The following CFAP58 variants were observed in gnomAD, a reference collection of about 807,000 sequenced individuals.
CFAP58 encodes cilia- and flagella-associated protein 58.
A neutral mutation model predicts 119.5 loss-of-function variants in CFAP58; 88 were observed. That is an observed-to-expected ratio of 0.74 (90% CI 0.62 to 0.88). The LOEUF (loss-of-function observed/expected upper bound fraction) is 0.88, where lower values mean the gene tolerates loss of function less well. Among genes scored for constraint, CFAP58 ranks in the 40% least tolerant of loss-of-function variants. CFAP58 has a pLI of 0.00. For missense variants in CFAP58, 990 were observed against 1,021.2 expected (o/e 0.97, Z 0.42); for synonymous variants, 365 against 366.3 (o/e 1.00, Z 0.04).
chr10:104,371,193 T>A, intron 7 of CFAP58, 139 bp downstream of exon 7: 1 of 735,318 alleles, frequency 1.4e-6, no homozygotes, highest in South Asian at 2.1e-5. Flanking sequence ...TGGTAAACAG[T>A]CAATATGGGG....
intron 7 of CFAP58, among the ~76,000 whole-genome samples, chr10:104,373,388 C>G (rs1287080511): frequency 6.6e-6 from 1 of 152,062 alleles, no homozygotes; most frequent in African/African-American, 2.4e-5. Flanking sequence ...AATCCCTGCA[C>G]TTTGGGAGGC....
the CFAP58 span, among the ~76,000 whole-genome samples, chr10:104,343,064 T>C: frequency 6.6e-6 from 1 of 152,114 alleles, no homozygotes; most frequent in Admixed American, 6.5e-5. Context: ...TCATTAAGCA[T>C]CTGATGGAGG....
chr10:104,341,548 C>T, the CFAP58 span, among the ~76,000 whole-genome samples: 3 of 151,564 alleles, frequency 2.0e-5, no homozygotes, highest in African/African-American at 4.8e-5. Context: ...ATATAAAAAA[C>T]CTCAATGATT....
chr10:104,393,758 G>A (rs190347052), intron 11 of CFAP58, among the ~76,000 whole-genome samples: 109 of 152,282 alleles, frequency 7.2e-4, no homozygotes, highest in Non-Finnish European at 1.3e-3. Flanking sequence ...TACATCAGTG[G>A]GAGAGAACCT....
intron 15 of CFAP58, among the ~76,000 whole-genome samples, chr10:104,422,240 G>A (rs1026365113): frequency 1.3e-4 from 20 of 152,166 alleles, no homozygotes; most frequent in African/African-American, 4.1e-4. Context: ...GTACATAGTA[G>A]CTTATAAATG....
intron 9 of CFAP58, among the ~76,000 whole-genome samples, chr10:104,391,946 T>A (rs1226666529): frequency 6.6e-6 from 1 of 152,178 alleles, no homozygotes; most frequent in African/African-American, 2.4e-5. Context: ...CGGGAGAGGT[T>A]TTCAGAATTG....
At chr10:104,395,521 A>T (rs967252938) in intron 11 of CFAP58, among the ~76,000 whole-genome samples, 14 of 152,238 alleles carry the variant, frequency 9.2e-5, no homozygotes, top group Admixed American at 4.6e-4. Context: ...ATTTGAGTCT[A>T]TCCAAGGGTG....
intron 15 of CFAP58, among the ~76,000 whole-genome samples, chr10:104,415,563 C>T (rs933562051): frequency 2.6e-5 from 4 of 152,146 alleles, no homozygotes; most frequent in African/African-American, 7.2e-5. Context: ...CTAGAGCATT[C>T]TGGGAACTGT....
upstream of CFAP58, chr10:104,353,634 G>T (rs2014496408): frequency 4.2e-6 from 2 of 476,142 alleles, no homozygotes; most frequent in Middle Eastern, 5.7e-4. Context: ...CCTTGGCTCC[G>T]CCCCATTGGG....
At chr10:104,435,736 A>G (rs1202077482) in intron 15 of CFAP58, among the ~76,000 whole-genome samples, 1 of 152,112 alleles carries the variant, frequency 6.6e-6, no homozygotes, top group East Asian at 1.9e-4. Flanking sequence ...TTTCACTCTC[A>G]AGGATTTCAT....
At position 104,389,952 on chromosome 10, in the gene CFAP58, C is replaced by T. The variant is rs565879169; in HGVS notation, c.1366-2281C>T. Among the ~76,000 whole-genome samples, 4 of 152,244 alleles carry T rather than the reference C, an allele frequency of 2.6e-5. No homozygotes were observed. The South Asian group carries it at 8.3e-4, about 32-fold the overall frequency. On this transcript the variant is annotated intron_variant, in intron 9 of 17. Transcript: ENST00000369704. ...TTCAACAGTACATTAAAAGAATCAT[C>T]CAGTATGAACAAGGAGGGTTTATCC... is the stretch of plus-strand genomic sequence containing the variant.
chr10:104,422,308 C>T (rs897716643), intron 15 of CFAP58, among the ~76,000 whole-genome samples: 1 of 152,190 alleles, frequency 6.6e-6, no homozygotes, highest in Non-Finnish European at 1.5e-5. Flanking sequence ...ATTGCATAGA[C>T]CCATCCATTC....
At chr10:104,388,688 G>T (rs1343074310) in intron 9 of CFAP58, among the ~76,000 whole-genome samples, 2 of 152,160 alleles carry the variant, frequency 1.3e-5, no homozygotes, top group Non-Finnish European at 2.9e-5. Context: ...GTACATTAAG[G>T]GGTTCCAAAT....
At chr10:104,421,130 G>T (rs2012651324) in intron 15 of CFAP58, among the ~76,000 whole-genome samples, 1 of 152,136 alleles carries the variant, frequency 6.6e-6, no homozygotes, top group Non-Finnish European at 1.5e-5. Flanking sequence ...CGAAATAGCA[G>T]ATCTGACTAC....
the CFAP58 span, among the ~76,000 whole-genome samples, chr10:104,346,661 A>G: frequency 1.3e-5 from 1 of 79,462 alleles, no homozygotes; most frequent in Non-Finnish European, 2.8e-5. Flanking sequence ...TTTGAGACCA[A>G]GTCTCACTCT....
intron 13 of CFAP58, among the ~76,000 whole-genome samples, chr10:104,401,769 T>G (rs75921193): frequency 6.6e-6 from 1 of 152,258 alleles, no homozygotes; most frequent in East Asian, 1.9e-4. Context: ...TTTTTTTTTT[T>G]CTTTTGGAGT....
chr10:104,375,857 A>C (rs1452162703), intron 7 of CFAP58, among the ~76,000 whole-genome samples: 7 of 152,170 alleles, frequency 4.6e-5, no homozygotes, highest in African/African-American at 1.7e-4. Flanking sequence ...AGTTTATCTG[A>C]AGACCTGGGA....
intron 14 of CFAP58, among the ~76,000 whole-genome samples, chr10:104,404,594 G>A (rs1278065430): frequency 6.6e-6 from 1 of 152,112 alleles, no homozygotes; most frequent in Non-Finnish European, 1.5e-5. Flanking sequence ...AAATCAGCCA[G>A]GGAGATTTTT....
At chr10:104,353,772 C>T (rs887424193), upstream of CFAP58, 6 of 1,161,854 alleles carry the variant, frequency 5.2e-6, no homozygotes, top group East Asian at 2.5e-5. Flanking sequence ...ACGCGCCGAG[C>T]GCGGGTTTCC....
Sources: allele counts gnomAD v4.1 joint callset (sites outside exome capture counted in the v4.1 genomes callset), GRCh38; gene constraint gnomAD v4.1.1; transcripts MANE v1.5; gene names NCBI Gene and HGNC (gene_info 2026-07-23, HGNC 2026-07-21).